PTPRM: variants seen among roughly 807,000 people sequenced by gnomAD.
PTPRM encodes the protein receptor-type tyrosine-protein phosphatase mu.
In PTPRM, 47 loss-of-function variants were observed where a neutral mutation model predicts 186.7. The observed-to-expected ratio is 0.25, with a 90% CI of 0.20 to 0.32. The LOEUF (loss-of-function observed/expected upper bound fraction) is 0.32, where lower values mean the gene tolerates loss of function less well. PTPRM is among the 10% of genes least tolerant of loss of function. The pLI is 1.00. For synonymous variants in PTPRM, 668 were observed against 674.9 expected (o/e 0.99, Z 0.16); for missense variants, 1,494 against 1,865.0 (o/e 0.80, Z 3.66).
At chr18:7,821,854 A>G (rs1288342831) in intron 2 of PTPRM, among the ~76,000 whole-genome samples, 1 of 152,206 alleles carries the variant, frequency 6.6e-6, no homozygotes, top group Non-Finnish European at 1.5e-5. Context: ...TGGGCAGGAC[A>G]GAGTAACATA....
Position 7,955,215 on chromosome 18 carries a change from G to A in PTPRM, c.933G>A (p.Gly311=), listed in dbSNP as rs117315406. The A allele has an allele frequency of 6.4e-4, 1,040 of 1,614,182 alleles. 5 individuals are homozygous for A. The highest frequency in any genetic ancestry group is 5.3e-3 in the East Asian group (238 of 44,868). Residue 311 remains glycine (G), a synonymous_variant, in exon 7 of 33, where the codon GGG becomes GGA. Coordinates refer to ENST00000580170, the MANE Select transcript of PTPRM (RefSeq NM_001105244.2). ...ACGCCAACTCCATCAATGGGGATGG[G>A]CCCATTGTGGCCCGAGAGGTGGAGT... ...QLNANSINGD[G]PIVAREVEYC...
intron 14 of PTPRM, among the ~76,000 whole-genome samples, chr18:8,192,888 TCTA>T (rs1200962139): frequency 1.2e-4 from 18 of 152,136 alleles, no homozygotes; most frequent in African/African-American, 4.1e-4. Flanking sequence ...AATAGAAGAA[TCTA>T]GTAGTCAACA....
intron 29 of PTPRM, among the ~76,000 whole-genome samples, chr18:8,383,296 CAAAAAAAAAAAAAAAA>C (rs59442781): frequency 6.6e-4 from 20 of 30,430 alleles, no homozygotes; most frequent in African/African-American, 1.7e-3. Flanking sequence ...GCTTCTGCCT[CAAAAAAAAAAAAAAAA>C]AAAAAAAAAA....
At chr18:7,893,855 T>G (rs556968311) in intron 3 of PTPRM, among the ~76,000 whole-genome samples, 13 of 152,246 alleles carry the variant, frequency 8.5e-5, no homozygotes, top group Non-Finnish European at 1.6e-4. Flanking sequence ...AAAATCGCTA[T>G]GTAAGACCTG....
At chr18:7,969,574 G>C (rs1473937472) in intron 7 of PTPRM, among the ~76,000 whole-genome samples, 1 of 146,506 alleles carries the variant, frequency 6.8e-6, no homozygotes. Context: ...GACTAATAAA[G>C]AAAAAAAGAG....
intron 2 of PTPRM, among the ~76,000 whole-genome samples, chr18:7,805,863 A>G (rs2145415047): frequency 6.6e-6 from 1 of 152,336 alleles, no homozygotes; most frequent in African/African-American, 2.4e-5. Context: ...ATCCTAAATC[A>G]AAGACTAGAA....
chr18:8,009,701 C>T (rs1236234124), intron 7 of PTPRM, among the ~76,000 whole-genome samples: 3 of 152,012 alleles, frequency 2.0e-5, no homozygotes, highest in Non-Finnish European at 4.4e-5. Context: ...GAGCAAGACT[C>T]TATCTCAAAA....
chr18:8,379,407 G>T, intron 28 of PTPRM, 67 bp downstream of exon 28: 1 of 1,438,556 alleles, frequency 7.0e-7, no homozygotes, highest in Non-Finnish European at 9.2e-7. Context: ...AACAGGCTTG[G>T]GTCTTCCCCA....
intron 1 of PTPRM, among the ~76,000 whole-genome samples, chr18:7,637,961 A>G (rs971491513): frequency 1.3e-5 from 2 of 152,218 alleles, no homozygotes; most frequent in African/African-American, 4.8e-5. Context: ...AGCATGAAGA[A>G]CTATTCTTGG....
In PTPRM at chr18:8,113,495, A is replaced by G. The variant is rs2091842230; in HGVS notation, c.1866A>G (p.Gln622=). ...ACTCTTGTTTTTCTAGTGTCTATCA[A>G]ATAGTTGTTGAGGAAGAACGTCCTC... ...HSRGAPVSVY[Q]IVVEEERPRR... The change falls in exon 12 of 33, where the codon CAA becomes CAG. Residue 622 remains glutamine (Q), a synonymous_variant. Coordinates refer to ENST00000580170, the MANE Select transcript of PTPRM (RefSeq NM_001105244.2). 1 of 1,612,908 alleles carries G rather than the reference A, an allele frequency of 6.2e-7. No individual in the cohort carries two copies. Among genetic ancestry groups the G allele is most frequent in the African/African-American group, 1.3e-5 (1 of 74,878 alleles).
At chr18:7,846,804 A>G (rs1392420001) in intron 2 of PTPRM, among the ~76,000 whole-genome samples, 1 of 152,174 alleles carries the variant, frequency 6.6e-6, no homozygotes, top group Non-Finnish European at 1.5e-5. Flanking sequence ...TATTCTGAGT[A>G]GTTACTGCTG....
At chr18:8,247,341 G>A (rs2094486474) in intron 15 of PTPRM, among the ~76,000 whole-genome samples, 1 of 152,134 alleles carries the variant, frequency 6.6e-6, no homozygotes, top group Non-Finnish European at 1.5e-5. Flanking sequence ...AAATACTAAG[G>A]AACACGCATG....
Position 8,113,696 on chromosome 18 carries a change from C to T in PTPRM, c.2067C>T (p.Asn689=). Residue 689 remains asparagine, a synonymous_variant, in exon 12 of 33, where the codon AAC becomes AAT. Coordinates refer to ENST00000580170, the MANE Select transcript of PTPRM (RefSeq NM_001105244.2). Reference sequence around the variant, plus strand: ...ATAAGACATATAATGGATACTGGAACACTCCCCTTCTCCCCTATAAAAGCT... The same window carrying T: ...ATAAGACATATAATGGATACTGGAATACTCCCCTTCTCCCCTATAAAAGCT... ...GDNKTYNGYW[N]TPLLPYKSYR... The T allele has an allele frequency of 6.2e-7, 1 of 1,613,734 alleles. No individual in the cohort carries two copies. Among genetic ancestry groups the T allele is most frequent in the Non-Finnish European group, 8.5e-7 (1 of 1,179,670 alleles).
chr18:8,242,021 G>A (rs765400771), intron 14 of PTPRM, among the ~76,000 whole-genome samples: 3 of 152,088 alleles, frequency 2.0e-5, no homozygotes, highest in Non-Finnish European at 4.4e-5. Context: ...AATTTTTCCA[G>A]TACAAGCATA....
At chr18:8,049,670 A>G (rs750721221) in intron 7 of PTPRM, among the ~76,000 whole-genome samples, 2 of 151,602 alleles carry the variant, frequency 1.3e-5, no homozygotes, top group African/African-American at 2.4e-5. Flanking sequence ...ATATATATAT[A>G]CTGGGATCTT....
intron 14 of PTPRM, among the ~76,000 whole-genome samples, chr18:8,194,402 G>A (rs2093747873): frequency 6.6e-6 from 1 of 152,212 alleles, no homozygotes; most frequent in South Asian, 2.1e-4. Context: ...GCTGATATGT[G>A]GAAAACAAGC....
chr18:7,834,706 G>A (rs1050569433), intron 2 of PTPRM, among the ~76,000 whole-genome samples: 19 of 151,638 alleles, frequency 1.3e-4, no homozygotes, highest in Non-Finnish European at 2.5e-4. Flanking sequence ...TTAAATGTTC[G>A]TTAGAATTCA....
At chr18:7,614,209 G>T (rs1374483942) in intron 1 of PTPRM, among the ~76,000 whole-genome samples, 1 of 152,154 alleles carries the variant, frequency 6.6e-6, no homozygotes, top group Non-Finnish European at 1.5e-5. Context: ...ATAAAACTCA[G>T]ACTCAGCGTA....
rs554487680 is a variant in PTPRM, at chr18:7,804,695, C to T, written c.196+30424C>T. Among the ~76,000 whole-genome samples the T allele has an allele frequency of 1.8e-4, 28 of 152,198 alleles. 3 individuals are homozygous for T. In the South Asian group the frequency reaches 5.2e-3, roughly 28 times the overall value. On this transcript the variant is annotated intron_variant, in intron 2 of 32. Coordinates refer to ENST00000580170, the MANE Select transcript of PTPRM (RefSeq NM_001105244.2). Reference sequence around the variant, plus strand: ...GTAATTGACATCATTTGCCTGACTTCGAAAGTGGAAATATTTAATTAAACT... The same window carrying T: ...GTAATTGACATCATTTGCCTGACTTTGAAAGTGGAAATATTTAATTAAACT...
Sources: gnomAD v4.1 joint callset for allele counts (sites outside exome capture counted in the v4.1 genomes callset) on GRCh38, gnomAD v4.1.1 for gene constraint, MANE v1.5 for transcripts, NCBI Gene and HGNC (gene_info 2026-07-23, HGNC 2026-07-21) for gene names.